PRELID2: variants seen among roughly 807,000 people sequenced by gnomAD.
The protein encoded by PRELID2 is PRELI domain-containing protein 2.
In PRELID2, 25 loss-of-function variants were observed where a neutral mutation model predicts 28.4. The ratio of observed to expected loss-of-function variants is 0.88; its 90% confidence interval spans 0.64 to 1.23. PRELID2 has a LOEUF of 1.23. PRELID2 is among the 50% of genes most tolerant of loss of function. The pLI, the probability that PRELID2 is intolerant of heterozygous loss-of-function variation, is 0.00. For missense variants in PRELID2, 201 were observed against 214.4 expected (o/e 0.94, Z 0.39); for synonymous variants, 76 against 71.6 (o/e 1.06, Z -0.31).
At chr5:145,637,874 G>A (rs372184967) in intron 1 of PRELID2, among the ~76,000 whole-genome samples, 2 of 147,298 alleles carry the variant, frequency 1.4e-5, no homozygotes, top group South Asian at 2.1e-4. Context: ...GCAATGGCAC[G>A]ATCTCGGCTC....
the PRELID2 span, among the ~76,000 whole-genome samples, chr5:145,418,370 C>G: frequency 2.6e-5 from 4 of 152,076 alleles, no homozygotes; most frequent in African/African-American, 7.2e-5. Context: ...ATATTCTTCA[C>G]AGAATTAGAA....
intron 1 of PRELID2, among the ~76,000 whole-genome samples, chr5:145,747,143 T>C (rs562997269): frequency 6.7e-6 from 1 of 149,340 alleles, no homozygotes; most frequent in South Asian, 2.1e-4. Context: ...AGGAGCAAAC[T>C]AATCCAAAAG....
At chr5:145,424,155 C>T in the PRELID2 span, among the ~76,000 whole-genome samples, 1 of 151,526 alleles carries the variant, frequency 6.6e-6, no homozygotes, top group Non-Finnish European at 1.5e-5. Context: ...CAGACAGGGA[C>T]ATTTAAGTCT....
At chr5:145,335,707 G>A in the PRELID2 span, among the ~76,000 whole-genome samples, 2 of 152,194 alleles carry the variant, frequency 1.3e-5, no homozygotes, top group African/African-American at 4.8e-5. Context: ...GCAGTTCTAA[G>A]AGGCAAGTTT....
chr5:145,651,983 C>T (rs887565083), intron 1 of PRELID2, among the ~76,000 whole-genome samples: 6 of 152,118 alleles, frequency 3.9e-5, no homozygotes, highest in African/African-American at 7.2e-5. Flanking sequence ...TTGAACCCAT[C>T]GCAAAGAAGC....
At chr5:145,769,571 T>TAGACCAA in intron 5 of PRELID2, among the ~76,000 whole-genome samples, 1 of 152,340 alleles carries the variant, frequency 6.6e-6, no homozygotes, top group African/African-American at 2.4e-5. Context: ...AGAGTAATAT[T>TAGACCAA]AGACCAAACA....
chr5:145,792,793 T>C (rs1244725266), intron 5 of PRELID2, among the ~76,000 whole-genome samples: 1 of 152,216 alleles, frequency 6.6e-6, no homozygotes, highest in East Asian at 1.9e-4. Context: ...TTTTTCTTAA[T>C]TCTTGAAAAC....
chr5:145,794,016 G>A (rs1223326940), intron 5 of PRELID2, among the ~76,000 whole-genome samples: 14 of 152,068 alleles, frequency 9.2e-5, no homozygotes, highest in Admixed American at 9.2e-4. Flanking sequence ...CTGACCTATA[G>A]GAGGCCAACG....
At chr5:145,388,336 G>C in the PRELID2 span, among the ~76,000 whole-genome samples, 1 of 152,246 alleles carries the variant, frequency 6.6e-6, no homozygotes, top group Non-Finnish European at 1.5e-5. Context: ...CTGCATCTTG[G>C]TCTGGACTAG....
intron 1 of PRELID2, among the ~76,000 whole-genome samples, chr5:145,743,174 C>T (rs982654661): frequency 6.6e-6 from 1 of 151,742 alleles, no homozygotes; most frequent in Non-Finnish European, 1.5e-5. Flanking sequence ...TTTGGGAAGC[C>T]GAGACGGGCA....
intron 1 of PRELID2, among the ~76,000 whole-genome samples, chr5:145,823,826 G>A (rs1754992523): frequency 1.3e-5 from 2 of 152,190 alleles, no homozygotes; most frequent in Non-Finnish European, 2.9e-5. Context: ...AATAGCCACT[G>A]CTTTTGTCGT....
At chr5:145,380,309 C>G in the PRELID2 span, among the ~76,000 whole-genome samples, 3 of 152,324 alleles carry the variant, frequency 2.0e-5, no homozygotes, top group African/African-American at 7.2e-5. Context: ...GCTTTCTCCC[C>G]CTTCAGCCCA....
At chr5:145,646,971 T>C (rs1754207263) in intron 1 of PRELID2, among the ~76,000 whole-genome samples, 1 of 152,132 alleles carries the variant, frequency 6.6e-6, no homozygotes, top group African/African-American at 2.4e-5. Flanking sequence ...CTGGGAGGTG[T>C]CTCCCAGTCA....
the PRELID2 span, among the ~76,000 whole-genome samples, chr5:145,463,037 A>AAAG: frequency 6.6e-6 from 1 of 152,160 alleles, no homozygotes; most frequent in Non-Finnish European, 1.5e-5. Context: ...AAATAAATAA[A>AAAG]AAGTTTGATT....
chr5:145,454,108 A>G, the PRELID2 span, among the ~76,000 whole-genome samples: 1 of 152,128 alleles, frequency 6.6e-6, no homozygotes, highest in Non-Finnish European at 1.5e-5. Flanking sequence ...CTATTTCTCC[A>G]CATCCTCTCC....
chr5:145,241,184 G>C, the PRELID2 span, among the ~76,000 whole-genome samples: 1 of 151,964 alleles, frequency 6.6e-6, no homozygotes, highest in Non-Finnish European at 1.5e-5. Flanking sequence ...TAATTTTTCA[G>C]CCTTTCTTGC....
the PRELID2 span, among the ~76,000 whole-genome samples, chr5:145,464,038 G>A: frequency 6.6e-6 from 1 of 151,990 alleles, no homozygotes; most frequent in African/African-American, 2.4e-5. Context: ...GTCCAAAGAG[G>A]GCAAAGTCAA....
chr5:145,419,058 C>T, the PRELID2 span, among the ~76,000 whole-genome samples: 1 of 150,840 alleles, frequency 6.6e-6, no homozygotes, highest in Non-Finnish European at 1.5e-5. Flanking sequence ...AGGACATGAA[C>T]TCATCATTAT....
chr5:145,653,091 G>A (rs773934308), intron 1 of PRELID2, among the ~76,000 whole-genome samples: 249 of 151,372 alleles, frequency 1.6e-3, no homozygotes, highest in Non-Finnish European at 2.8e-3. Context: ...AAAAGGCAGG[G>A]GTTGCAATCC....
Sources: gnomAD v4.1 joint callset for allele counts (sites outside exome capture counted in the v4.1 genomes callset) on GRCh38, gnomAD v4.1.1 for gene constraint, MANE v1.5 for transcripts, NCBI Gene and HGNC (gene_info 2026-07-23, HGNC 2026-07-21) for gene names.